Variants in GATB observed in about 807,000 individuals in gnomAD.
GATB encodes the protein glutamyl-tRNA(Gln) amidotransferase subunit B, mitochondrial.
In GATB, 39 loss-of-function variants were observed where a neutral mutation model predicts 62.3. That is an observed-to-expected ratio of 0.63 (90% confidence interval 0.48 to 0.82). GATB has a LOEUF of 0.82. Among genes scored for constraint, GATB ranks in the 40% least tolerant of loss-of-function variants. The pLI, the probability that GATB is intolerant of heterozygous loss-of-function variation, is 0.00. For synonymous variants in GATB, 276 were observed against 258.9 expected, an observed-to-expected ratio of 1.07 and a Z score of -0.63; for missense variants, 670 against 684.0, an observed-to-expected ratio of 0.98 and a Z score of 0.23.
intron 5 of GATB, among the ~76,000 whole-genome samples, chr4:151,713,085 A>T (rs74810607): frequency 0.019 from 2,881 of 152,176 alleles, 75 homozygotes; most frequent in African/African-American, 0.066. Context: ...TGAACTGTGC[A>T]TGAGAGGAAT....
chr4:151,683,314 G>A (rs1265383036), intron 10 of GATB, among the ~76,000 whole-genome samples: 1 of 152,106 alleles, frequency 6.6e-6, no homozygotes, highest in Non-Finnish European at 1.5e-5. Flanking sequence ...CCCCTTGCTT[G>A]TGGCCAAACA....
At chr4:151,708,154 CTT>C in intron 5 of GATB, 53 bp from the exon 6 acceptor site, 2 of 1,197,326 alleles carry the variant, frequency 1.7e-6, no homozygotes, top group Non-Finnish European at 2.5e-6. Flanking sequence ...GTGACATAGT[CTT>C]TTAAAGGCAG....
chr4:151,754,550 T>C lies in GATB; in HGVS notation c.327+4222A>G, dbSNP rs1201713927. Among the ~76,000 whole-genome samples, 4 of 152,164 alleles carry C rather than the reference T, an allele frequency of 2.6e-5. No individual in the cohort carries two copies. In the South Asian group the frequency reaches 8.3e-4, roughly 31 times the overall value. ...GGGCTAGCATAACGTGGGCATCCAA[T>C]ATATGCCAGCTGAGTGAATGAAGAC... On this transcript the variant is annotated intron_variant, in intron 2 of 12. Coordinates refer to ENST00000263985, the MANE Select transcript of GATB (RefSeq NM_004564.3).
chr4:151,700,207 T>C (rs529018883), intron 9 of GATB, among the ~76,000 whole-genome samples: 1 of 152,356 alleles, frequency 6.6e-6, no homozygotes, highest in Non-Finnish European at 1.5e-5. Flanking sequence ...TAAGCACTGC[T>C]GATGTTGTGC....
At chr4:151,680,568 T>C (rs1184092907) in intron 10 of GATB, among the ~76,000 whole-genome samples, 1 of 152,166 alleles carries the variant, frequency 6.6e-6, no homozygotes, top group Non-Finnish European at 1.5e-5. Flanking sequence ...AACAGCGAAG[T>C]GTCATTAATT....
intron 10 of GATB, among the ~76,000 whole-genome samples, chr4:151,685,712 A>G (rs963033329): frequency 6.6e-6 from 1 of 152,112 alleles, no homozygotes; most frequent in African/African-American, 2.4e-5. Context: ...TTCAGCACCA[A>G]CACCAGAATT....
chr4:151,741,924 G>T (rs1739495848), intron 2 of GATB, among the ~76,000 whole-genome samples: 1 of 152,158 alleles, frequency 6.6e-6, no homozygotes, highest in Admixed American at 6.5e-5. Flanking sequence ...GTGCATCCTT[G>T]CACATCTAGC....
chr4:151,739,733 C>G (rs915722932), intron 2 of GATB, among the ~76,000 whole-genome samples: 10 of 152,186 alleles, frequency 6.6e-5, no homozygotes, highest in Admixed American at 6.5e-5. Flanking sequence ...TTCCATGTGA[C>G]AGGACTTTGC....
intron 2 of GATB, chr4:151,723,147 G>GC (rs1285955447): frequency 6.6e-6 from 1 of 152,244 alleles, no homozygotes; most frequent in Admixed American, 6.5e-5. Flanking sequence ...TCTCAGCTGA[G>GC]CCTTCAGAGG....
intron 2 of GATB, among the ~76,000 whole-genome samples, chr4:151,732,092 G>A (rs9654233): frequency 2.1e-5 from 3 of 141,020 alleles, no homozygotes; most frequent in African/African-American, 8.2e-5. Flanking sequence ...CGCCCCGTCC[G>A]GGAGGGAGGT....
At chr4:151,731,958 A>G (rs58889661) in intron 2 of GATB, among the ~76,000 whole-genome samples, 22,777 of 68,040 alleles carry the variant, frequency 0.33, 5,942 homozygotes, top group African/African-American at 0.61. Context: ...CCGGGAGGGA[A>G]GTGGGGGGTC....
At chr4:151,719,817 A>T (rs966222462) in intron 2 of GATB, 15 of 300,500 alleles carry the variant, frequency 5.0e-5, no homozygotes, top group African/African-American at 3.4e-4. Flanking sequence ...CAAAGCTAAC[A>T]GGAAGAGTCG....
chr4:151,748,460 T>C (rs940865548), intron 2 of GATB, among the ~76,000 whole-genome samples: 1 of 152,238 alleles, frequency 6.6e-6, no homozygotes, highest in African/African-American at 2.4e-5. Flanking sequence ...GCTAGCCATA[T>C]GTAGAAAGCT....
At chr4:151,682,012 T>A (rs6810860) in intron 10 of GATB, among the ~76,000 whole-genome samples, 1 of 152,106 alleles carries the variant, frequency 6.6e-6, no homozygotes, top group African/African-American at 2.4e-5. Context: ...AACATTCAGA[T>A]CGCCGCAATG....
chr4:151,739,445 G>A (rs1739441952), intron 2 of GATB, among the ~76,000 whole-genome samples: 1 of 152,062 alleles, frequency 6.6e-6, no homozygotes, highest in Non-Finnish European at 1.5e-5. Context: ...ATTTTTAAAA[G>A]AGCTGAGGAA....
At chr4:151,704,031 G>A in intron 7 of GATB, 136 bp from the exon 8 acceptor site, 1 of 572,682 alleles carries the variant, frequency 1.7e-6, no homozygotes, top group Admixed American at 3.3e-5. Flanking sequence ...AACCTTAAAT[G>A]AATACATTCA....
intron 2 of GATB, among the ~76,000 whole-genome samples, chr4:151,743,266 G>A (rs1355110709): frequency 6.6e-6 from 1 of 152,164 alleles, no homozygotes; most frequent in Non-Finnish European, 1.5e-5. Context: ...CGATGCACAG[G>A]GCCCTGAATT....
chr4:151,739,649 C>T (rs2126992007), intron 2 of GATB, among the ~76,000 whole-genome samples: 1 of 152,314 alleles, frequency 6.6e-6, no homozygotes, highest in African/African-American at 2.4e-5. Context: ...CATCTATGCC[C>T]AGACATGATG....
chr4:151,672,650 TG>T, intron 12 of GATB, 111 bp downstream of exon 12: 1 of 1,102,148 alleles, frequency 9.1e-7, no homozygotes, highest in Non-Finnish European at 1.3e-6. Context: ...TTGATGAAAC[TG>T]GGTCAGCCAT....
Sources: allele counts gnomAD v4.1 joint callset (sites outside exome capture counted in the v4.1 genomes callset), GRCh38; gene constraint gnomAD v4.1.1; transcripts MANE v1.5; gene names NCBI Gene and HGNC (gene_info 2026-07-23, HGNC 2026-07-21).